Variants in SQOR observed in about 807,000 individuals in gnomAD.
SQOR encodes sulfide:quinone oxidoreductase, mitochondrial.
In SQOR, 39 loss-of-function variants were observed where a neutral mutation model predicts 48.6. The observed-to-expected ratio is 0.80, with a 90% CI of 0.62 to 1.05. SQOR has a LOEUF of 1.05. Ranked by LOEUF, SQOR falls within the 50% of genes least tolerant of loss-of-function variation. The pLI is 0.00. For synonymous variants in SQOR, 220 were observed against 206.2 expected (o/e 1.07, Z -0.57); for missense variants, 561 against 559.9 (o/e 1.00, Z -0.02).
At chr15:45,689,950 C>A (rs1438582024) in intron 9 of SQOR, among the ~76,000 whole-genome samples, 1 of 152,120 alleles carries the variant, frequency 6.6e-6, no homozygotes. Flanking sequence ...TTAAATTTCT[C>A]ATCTGCAAAA....
intron 6 of SQOR, among the ~76,000 whole-genome samples, chr15:45,678,835 G>C (rs1890078909): frequency 6.6e-6 from 1 of 152,002 alleles, no homozygotes; most frequent in South Asian, 2.1e-4. Flanking sequence ...TTTTTAAATT[G>C]CTGCTCCTCA....
At chr15:45,655,265 C>T (rs1889578278) in intron 1 of SQOR, among the ~76,000 whole-genome samples, 1 of 152,172 alleles carries the variant, frequency 6.6e-6, no homozygotes, top group Non-Finnish European at 1.5e-5. Context: ...CTGCCCCTGC[C>T]CCATGGGGCG....
At chr15:45,677,074 A>G (rs961708594) in intron 6 of SQOR, among the ~76,000 whole-genome samples, 1 of 151,490 alleles carries the variant, frequency 6.6e-6, no homozygotes, top group Admixed American at 6.6e-5. Flanking sequence ...TCTCAAACTT[A>G]GAGAAGTTAC....
intron 1 of SQOR, among the ~76,000 whole-genome samples, chr15:45,640,391 C>T (rs1198248115): frequency 6.6e-6 from 1 of 152,080 alleles, no homozygotes; most frequent in Non-Finnish European, 1.5e-5. Flanking sequence ...AGAGCTGTAC[C>T]TAGCACTCCC....
chr15:45,657,946 T>A (rs1889643352), intron 1 of SQOR, among the ~76,000 whole-genome samples: 1 of 152,086 alleles, frequency 6.6e-6, no homozygotes, highest in Admixed American at 6.5e-5. Context: ...CCGGAGCCAC[T>A]CAAGGTTTAC....
At chr15:45,678,871 A>C (rs761078325) in intron 6 of SQOR, among the ~76,000 whole-genome samples, 3 of 152,112 alleles carry the variant, frequency 2.0e-5, no homozygotes, top group Admixed American at 6.6e-5. Context: ...ATGGGCTATG[A>C]GTGAGAGCTC....
intron 6 of SQOR, among the ~76,000 whole-genome samples, chr15:45,677,723 C>T (rs943877028): frequency 7.2e-5 from 11 of 152,114 alleles, no homozygotes; most frequent in African/African-American, 1.9e-4. Context: ...ATTTTTGAGA[C>T]GAAGTCTCGC....
chr15:45,652,492 G>A (rs888095365), intron 1 of SQOR, among the ~76,000 whole-genome samples: 1 of 151,996 alleles, frequency 6.6e-6, no homozygotes, highest in Non-Finnish European at 1.5e-5. Flanking sequence ...GGGGTACCAC[G>A]CCGGCAGGTC....
At chr15:45,676,992 GA>G (rs1890047870) in intron 6 of SQOR, among the ~76,000 whole-genome samples, 1 of 148,722 alleles carries the variant, frequency 6.7e-6, no homozygotes, top group Non-Finnish European at 1.5e-5. Flanking sequence ...AGTGAGCCGA[GA>G]TTGTACCACT....
Position 45,673,787 on chromosome 15 carries a change from G to A in SQOR, c.640G>A (p.Ala214Thr). 3 of 1,614,102 alleles carry A rather than the reference G, an allele frequency of 1.9e-6. No homozygotes were observed. Among genetic ancestry groups the A allele is most frequent in the African/African-American group, 2.7e-5 (2 of 75,036 alleles). ...TCAGAAGATCATGTACTTATCAGAA[G>A]CCTACTTCAGGAAGGTATGCTTCCT... ...APQKIMYLSE[A>T]YFRKTGKRSK... is the part of the protein sequence containing the mutation. Residue 214 changes from alanine to threonine, a missense_variant, in exon 5 of 10, where the codon GCC becomes ACC. Physicochemically the swap from Ala to Thr is moderately conservative, Grantham distance 58. Coordinates refer to ENST00000260324, the MANE Select transcript of SQOR (RefSeq NM_021199.4).
intron 1 of SQOR, among the ~76,000 whole-genome samples, chr15:45,639,799 G>A (rs1166824993): frequency 1.3e-5 from 2 of 152,182 alleles, no homozygotes; most frequent in Admixed American, 1.3e-4. Context: ...AGATGGATGA[G>A]GGGCCATCTG....
In SQOR at chr15:45,650,082, A is replaced by G. The variant is rs1889444333; in HGVS notation, c.-17-8825A>G. ...GGTCTTTAACTCATGACCTCAAGTG[A>G]TCCATCTGCCTCAGCCTCCCAAAGT... On this transcript the variant is annotated intron_variant, in intron 1 of 9. Coordinates refer to ENST00000260324, the MANE Select transcript of SQOR (RefSeq NM_021199.4). 2.0e-5 allele frequency among the ~76,000 whole-genome samples: 3 copies of G among 151,504 alleles called. No individual in the cohort carries two copies. In the South Asian group the frequency reaches 6.2e-4, roughly 31 times the overall value.
At chr15:45,668,694 C>T (rs527819389) in intron 3 of SQOR, among the ~76,000 whole-genome samples, 9 of 152,316 alleles carry the variant, frequency 5.9e-5, no homozygotes, top group Non-Finnish European at 1.2e-4. Flanking sequence ...TCTCCAACTG[C>T]GATTCGCTCG....
intron 7 of SQOR, 46 bp downstream of exon 7, chr15:45,682,707 C>A (rs763125444): frequency 6.3e-7 from 1 of 1,596,666 alleles, no homozygotes; most frequent in African/African-American, 1.3e-5. Flanking sequence ...AATATGTCAC[C>A]TCAAGGCATG....
chr15:45,637,782 G>A (rs1350145108), intron 1 of SQOR, among the ~76,000 whole-genome samples: 1 of 152,184 alleles, frequency 6.6e-6, no homozygotes, highest in Non-Finnish European at 1.5e-5. Context: ...TTAATCCGAT[G>A]TGTTGTAACA....
At chr15:45,685,578 C>T (rs1489652887) in intron 7 of SQOR, among the ~76,000 whole-genome samples, 2 of 152,166 alleles carry the variant, frequency 1.3e-5, no homozygotes, top group African/African-American at 4.8e-5. Context: ...AAGTCCCGCA[C>T]GCCTGCACCC....
chr15:45,671,464 C>T (rs1310816600), intron 4 of SQOR, among the ~76,000 whole-genome samples: 1 of 152,110 alleles, frequency 6.6e-6, no homozygotes, highest in Non-Finnish European at 1.5e-5. Context: ...AGCCAGGAAT[C>T]AAAAATTGAT....
chr15:45,658,559 C>G (rs1889657337), intron 1 of SQOR, among the ~76,000 whole-genome samples: 1 of 152,184 alleles, frequency 6.6e-6, no homozygotes, highest in African/African-American at 2.4e-5. Flanking sequence ...GGGCCAACAG[C>G]TGGATACAAC....
intron 3 of SQOR, 67 bp from the exon 4 acceptor site, chr15:45,669,861 C>A: frequency 1.5e-6 from 2 of 1,355,898 alleles, no homozygotes; most frequent in Non-Finnish European, 2.1e-6. Flanking sequence ...ACATCTGGGG[C>A]CTGAGTCAGT....
Sources: allele counts gnomAD v4.1 joint callset (sites outside exome capture counted in the v4.1 genomes callset), GRCh38; gene constraint gnomAD v4.1.1; transcripts MANE v1.5; gene names NCBI Gene and HGNC (gene_info 2026-07-23, HGNC 2026-07-21).